Variants in EPM2A observed in about 807,000 individuals in gnomAD.
The protein encoded by EPM2A is EPM2A glucan phosphatase, laforin.
Under a neutral mutation model 26.5 loss-of-function variants are expected in EPM2A, and 21 were observed. The observed-to-expected ratio is 0.79, with a 90% CI of 0.56 to 1.14. The LOEUF is 1.14. EPM2A is among the 50% of genes most tolerant of loss of function. The probability of loss-of-function intolerance (pLI) is 0.00; values close to 1 mark genes in which losing one functional copy is unlikely to be tolerated. For synonymous variants in EPM2A, 217 were observed against 177.6 expected, an observed-to-expected ratio of 1.22 and a Z score of -1.76; for missense variants, 458 against 440.8, an observed-to-expected ratio of 1.04 and a Z score of -0.35.
intron 4 of EPM2A, among the ~76,000 whole-genome samples, chr6:145,410,716 T>C (rs7755237): frequency 0.49 from 73,868 of 151,940 alleles, 18,212 homozygotes; most frequent in East Asian, 0.72. Flanking sequence ...ACAGAGAAGC[T>C]AGCTTTGGGG....
intron 2 of EPM2A, among the ~76,000 whole-genome samples, chr6:145,652,491 T>A (rs921448688): frequency 4.6e-5 from 7 of 152,132 alleles, no homozygotes; most frequent in Non-Finnish European, 7.3e-5. Flanking sequence ...TTTTAAAGAC[T>A]TTGTACTAAA....
At chr6:145,432,414 G>A (rs765517267) in intron 4 of EPM2A, among the ~76,000 whole-genome samples, 30 of 151,978 alleles carry the variant, frequency 2.0e-4, no homozygotes, top group Non-Finnish European at 3.5e-4. Flanking sequence ...GTATTAGCAG[G>A]CATGAAAACC....
chr6:145,447,274 A>G (rs944723699), intron 4 of EPM2A, among the ~76,000 whole-genome samples: 1 of 152,066 alleles, frequency 6.6e-6, no homozygotes, highest in East Asian at 1.9e-4. Flanking sequence ...AAAGACTTTT[A>G]TTTATCCTCT....
intron 4 of EPM2A, among the ~76,000 whole-genome samples, chr6:145,388,484 T>A (rs1382878333): frequency 1.3e-5 from 2 of 152,182 alleles, no homozygotes; most frequent in Non-Finnish European, 2.9e-5. Flanking sequence ...CCAGACCAAT[T>A]TCTTTTTTTT....
At chr6:145,566,107 A>G (rs779129972) in intron 2 of EPM2A, among the ~76,000 whole-genome samples, 27 of 152,160 alleles carry the variant, frequency 1.8e-4, no homozygotes, top group Non-Finnish European at 2.2e-4. Context: ...TCTGCATGGT[A>G]CATCTCCAAG....
chr6:145,505,356 T>C (rs1779956802), intron 2 of EPM2A, among the ~76,000 whole-genome samples: 1 of 152,108 alleles, frequency 6.6e-6, no homozygotes. Context: ...AACATTTTCA[T>C]ATATGTGCTT....
chr6:145,492,734 T>A (rs1450342372), intron 4 of EPM2A, among the ~76,000 whole-genome samples: 1 of 152,150 alleles, frequency 6.6e-6, no homozygotes, highest in Admixed American at 6.5e-5. Flanking sequence ...TGTCAAGCCA[T>A]CCCTCTGAAG....
intron 2 of EPM2A, among the ~76,000 whole-genome samples, chr6:145,569,196 T>C (rs939261514): frequency 2.0e-5 from 3 of 152,230 alleles, no homozygotes; most frequent in Non-Finnish European, 2.9e-5. Context: ...ATAGCCTGGA[T>C]TGGTATATCA....
intron 2 of EPM2A, among the ~76,000 whole-genome samples, chr6:145,540,107 C>G (rs572561393): frequency 6.6e-6 from 1 of 152,166 alleles, no homozygotes; most frequent in African/African-American, 2.4e-5. Flanking sequence ...CCAGCCTGAC[C>G]CTGGTGCTTC....
intron 2 of EPM2A, among the ~76,000 whole-genome samples, chr6:145,515,856 T>C (rs1285867807): frequency 6.6e-6 from 1 of 152,194 alleles, no homozygotes; most frequent in East Asian, 1.9e-4. Context: ...AGACAAACCA[T>C]GCATTTGTAC....
At chr6:145,635,527 C>T in intron 2 of EPM2A, 41 bp from the exon 3 acceptor site, 1 of 1,608,274 alleles carries the variant, frequency 6.2e-7, no homozygotes, top group Non-Finnish European at 8.5e-7. Context: ...TAGTGTTGTT[C>T]TGATTTGAGG....
chr6:145,393,635 G>A (rs915248539), intron 4 of EPM2A, among the ~76,000 whole-genome samples: 6 of 151,948 alleles, frequency 3.9e-5, no homozygotes, highest in African/African-American at 1.2e-4. Context: ...AATAGATACT[G>A]GGGCCACTCT....
chr6:145,589,888 TA>T (rs60941447), intron 2 of EPM2A, among the ~76,000 whole-genome samples: 76 of 140,794 alleles, frequency 5.4e-4, no homozygotes, highest in Admixed American at 9.3e-4. Context: ...GTTCAGAGGT[TA>T]AAAAAAAAAA....
chr6:145,538,899 G>A (rs1227705679), intron 2 of EPM2A, among the ~76,000 whole-genome samples: 2 of 152,064 alleles, frequency 1.3e-5, no homozygotes, highest in Non-Finnish European at 2.9e-5. Flanking sequence ...AAGCTCAAGG[G>A]AACACAGTAA....
In EPM2A at chr6:145,681,539, G is replaced by A. The variant is rs1780534766; in HGVS notation, c.476+4583C>T. On this transcript the variant is annotated intron_variant, in intron 2 of 3. Transcript: ENST00000367519. ...TTATGGTTTTAGGTCTAATGTTTAA[G>A]TCTTTAATCCATCTTGAATTGATTT... Among the ~76,000 whole-genome samples the A allele has an allele frequency of 2.0e-5, 3 of 149,910 alleles. No homozygotes were observed. In the Admixed American group the frequency reaches 2.0e-4, roughly 10 times the overall value.
intron 2 of EPM2A, chr6:145,671,166 G>C (rs987305299): frequency 2.0e-6 from 2 of 1,005,070 alleles, no homozygotes; most frequent in Non-Finnish European, 2.4e-6. Context: ...GATTCTTGTC[G>C]AAGTTTGATT....
At chr6:145,478,682 A>T (rs768656120) in intron 4 of EPM2A, among the ~76,000 whole-genome samples, 1 of 151,728 alleles carries the variant, frequency 6.6e-6, no homozygotes, top group Non-Finnish European at 1.5e-5. Context: ...AAGCCTTTTC[A>T]TTTCATCCCA....
intron 1 of EPM2A, among the ~76,000 whole-genome samples, chr6:145,728,165 C>G (rs1324695279): frequency 1.3e-5 from 2 of 152,166 alleles, no homozygotes; most frequent in Non-Finnish European, 2.9e-5. Context: ...CTATATAAAT[C>G]ACTCAGTCTT....
At chr6:145,392,531 C>T (rs1362907539) in intron 4 of EPM2A, among the ~76,000 whole-genome samples, 1 of 152,052 alleles carries the variant, frequency 6.6e-6, no homozygotes, top group African/African-American at 2.4e-5. Context: ...AGAGTCAACC[C>T]CTCCTTTCCA....
Sources: gnomAD v4.1 joint callset for allele counts (sites outside exome capture counted in the v4.1 genomes callset) on GRCh38, gnomAD v4.1.1 for gene constraint, MANE v1.5 for transcripts, NCBI Gene and HGNC (gene_info 2026-07-23, HGNC 2026-07-21) for gene names.